The following DHRSX variants were observed in gnomAD, a reference collection of about 807,000 sequenced individuals.
DHRSX encodes the protein polyprenol dehydrogenase.
Under a neutral mutation model 34.0 loss-of-function variants are expected in DHRSX, and 31 were observed. The observed-to-expected ratio is 0.91, with a 90% CI of 0.69 to 1.23. DHRSX has a LOEUF of 1.23. Among genes scored for constraint, DHRSX ranks in the 50% most tolerant of loss-of-function variants. DHRSX has a pLI of 0.00. For synonymous variants in DHRSX, 201 were observed against 183.8 expected, an observed-to-expected ratio of 1.09 and a Z score of -0.76; for missense variants, 414 against 428.1, an observed-to-expected ratio of 0.97 and a Z score of 0.29.
intron 3 of DHRSX, chrX:2,334,183 A>ATTTTTT (rs2042521695): frequency 6.8e-5 from 1 of 14,666 alleles, no homozygotes; most frequent in South Asian, 9.0e-4. Flanking sequence ...TTTTTTTTTG[A>ATTTTTT]GACACAGTCT....
chrX:2,464,507 G>A (rs1200362965), intron 1 of DHRSX, among the ~76,000 whole-genome samples: 4 of 80,426 alleles, frequency 5.0e-5, no homozygotes, highest in Non-Finnish European at 1.1e-4. Context: ...GACTGCTGCC[G>A]TGTGCACACT....
chrX:2,249,990 C>T (rs1408953330), intron 5 of DHRSX, among the ~76,000 whole-genome samples: 1 of 151,424 alleles, frequency 6.6e-6, no homozygotes, highest in Non-Finnish European at 1.5e-5. Flanking sequence ...GGTGAAACCC[C>T]GTCTCTATTA....
rs986632771 is a variant in DHRSX at position 2,345,826 on chromosome X, A to G, written c.287-54223T>C. Reference sequence around the variant, plus strand: ...CAGATGGACTTTGGACTCCAACTACATCATCAGCTCCTCCCTGGGTCTCCA... The same window carrying G: ...CAGATGGACTTTGGACTCCAACTACGTCATCAGCTCCTCCCTGGGTCTCCA... On this transcript the variant is annotated intron_variant, in intron 3 of 6. Transcript: ENST00000334651. Among the ~76,000 whole-genome samples, 8 of 152,300 alleles carry G rather than the reference A, an allele frequency of 5.3e-5. No individual in the cohort carries two copies. The East Asian group carries it at 1.4e-3, about 26-fold the overall frequency.
chrX:2,245,843 T>G (rs2016266685), intron 5 of DHRSX, among the ~76,000 whole-genome samples: 1 of 150,312 alleles, frequency 6.7e-6, no homozygotes, highest in African/African-American at 2.4e-5. Flanking sequence ...GTGCCTGTAG[T>G]CCCAGCTACT....
chrX:2,283,664 C>T (rs2041761825), intron 4 of DHRSX, among the ~76,000 whole-genome samples: 1 of 152,152 alleles, frequency 6.6e-6, no homozygotes, highest in African/African-American at 2.4e-5. Context: ...TGGGCTTCCC[C>T]GAATGAATCT....
chrX:2,423,051 C>T (rs1056994197), intron 2 of DHRSX, among the ~76,000 whole-genome samples: 3 of 150,852 alleles, frequency 2.0e-5, no homozygotes, highest in Non-Finnish European at 4.4e-5. Context: ...GATCTGCCCA[C>T]CTTGACCTCC....
At chrX:2,324,175 G>A (rs1044621255) in intron 3 of DHRSX, among the ~76,000 whole-genome samples, 25 of 152,068 alleles carry the variant, frequency 1.6e-4, no homozygotes, top group Non-Finnish European at 2.6e-4. Context: ...CCAGATACCT[G>A]CATGTGATAG....
In DHRSX at chrX:2,344,062, C is replaced by T. The variant is rs185929193; in HGVS notation, c.287-52459G>A. Among the ~76,000 whole-genome samples, 184 of 152,262 alleles carry T rather than the reference C, an allele frequency of 1.2e-3. 2 individuals are homozygous for T. The highest frequency in any genetic ancestry group is 3.5e-3 in the South Asian group (17 of 4,828). ...AAACTGAAATAGCATCAATAAAAGG[C>T]TGAACTTGTGAAAAGACACAACCAT... On this transcript the variant is annotated intron_variant, in intron 3 of 6. Transcript: ENST00000334651.
At chrX:2,489,035 T>C in intron 1 of DHRSX, 1 of 1,613,664 alleles carries the variant, frequency 6.2e-7, no homozygotes, top group Non-Finnish European at 8.5e-7. Flanking sequence ...ATGCCACTCT[T>C]CCTGGTCCTC....
chrX:2,246,211 A>C (rs2016277941), intron 5 of DHRSX, among the ~76,000 whole-genome samples: 1 of 152,204 alleles, frequency 6.6e-6, no homozygotes, highest in African/African-American at 2.4e-5. Context: ...AAAAAGCCTA[A>C]AAGAATGTTT....
chrX:2,452,709 C>A (rs753849324), intron 1 of DHRSX, among the ~76,000 whole-genome samples: 1 of 152,122 alleles, frequency 6.6e-6, no homozygotes. Context: ...CAAGTACACA[C>A]TGAATATGTT....
intron 4 of DHRSX, among the ~76,000 whole-genome samples, chrX:2,269,688 C>T (rs1224997276): frequency 1.3e-5 from 2 of 152,130 alleles, no homozygotes; most frequent in Non-Finnish European, 2.9e-5. Flanking sequence ...AGGCACCCAC[C>T]ACCACACGTG....
intron 1 of DHRSX, chrX:2,500,300 T>A (rs2045384245): frequency 5.4e-6 from 1 of 186,224 alleles, no homozygotes; most frequent in Non-Finnish European, 1.2e-5. Context: ...GAAGGGCCCA[T>A]CCTCACTTAC....
intron 3 of DHRSX, among the ~76,000 whole-genome samples, chrX:2,349,777 C>T (rs1020855983): frequency 2.0e-5 from 3 of 152,046 alleles, no homozygotes; most frequent in Non-Finnish European, 4.4e-5. Flanking sequence ...CAAGGTGGCT[C>T]ACGCCTGTAA....
intron 2 of DHRSX, among the ~76,000 whole-genome samples, chrX:2,422,530 G>T (rs2043794340): frequency 6.6e-6 from 1 of 152,128 alleles, no homozygotes; most frequent in South Asian, 2.1e-4. Flanking sequence ...TAAAGTGCTG[G>T]GATTACAGGC....
intron 3 of DHRSX, among the ~76,000 whole-genome samples, chrX:2,304,872 T>C (rs1219864295): frequency 1.3e-5 from 2 of 152,000 alleles, no homozygotes; most frequent in African/African-American, 2.4e-5. Flanking sequence ...TCCAAATAAA[T>C]AGAAATCATT....
chrX:2,242,927 G>C, intron 6 of DHRSX, 96 bp downstream of exon 6: 16 of 1,222,958 alleles, frequency 1.3e-5, no homozygotes, highest in Non-Finnish European at 1.9e-5. Context: ...TCTTGCACGA[G>C]ATCCAAGAAC....
At chrX:2,257,049 C>A (rs1276440055) in intron 5 of DHRSX, among the ~76,000 whole-genome samples, 1 of 152,064 alleles carries the variant, frequency 6.6e-6, no homozygotes, top group Non-Finnish European at 1.5e-5. Flanking sequence ...TTTCGAGTCC[C>A]AGTTGAAGCA....
intron 4 of DHRSX, among the ~76,000 whole-genome samples, chrX:2,286,563 T>C (rs1437954201): frequency 6.6e-6 from 1 of 152,122 alleles, no homozygotes; most frequent in Non-Finnish European, 1.5e-5. Context: ...ACCAAGAGGA[T>C]TTGTCAACAA....
Sources: gnomAD v4.1 joint callset for allele counts (sites outside exome capture counted in the v4.1 genomes callset) on GRCh38, gnomAD v4.1.1 for gene constraint, MANE v1.5 for transcripts, NCBI Gene and HGNC (gene_info 2026-07-23, HGNC 2026-07-21) for gene names.